Variants in EYA4 observed in about 807,000 individuals in gnomAD.
EYA4 encodes EYA transcriptional coactivator and phosphatase 4, also known as protein phosphatase EYA4.
EYA4 carries 31 observed loss-of-function variants against 87.9 expected under a neutral mutation model. That is an observed-to-expected ratio of 0.35 (90% CI 0.27 to 0.48). The LOEUF is 0.48. EYA4 is among the 20% of genes least tolerant of loss of function. The pLI, the probability that EYA4 is intolerant of heterozygous loss-of-function variation, is 0.99. For missense variants in EYA4, 678 were observed against 761.4 expected, an observed-to-expected ratio of 0.89 and a Z score of 1.29; for synonymous variants, 263 against 270.6, an observed-to-expected ratio of 0.97 and a Z score of 0.28.
intron 2 of EYA4, among the ~76,000 whole-genome samples, chr6:133,345,866 T>C (rs980879295): frequency 6.6e-6 from 1 of 152,370 alleles, no homozygotes; most frequent in East Asian, 1.9e-4. Flanking sequence ...CACACTGCTA[T>C]GCAGTGCTTA....
chr6:133,381,854 A>G (rs765764229), intron 2 of EYA4, among the ~76,000 whole-genome samples: 2 of 152,204 alleles, frequency 1.3e-5, no homozygotes, highest in Non-Finnish European at 2.9e-5. Flanking sequence ...AAGTTGAAAT[A>G]TAGTCTGCAA....
intron 2 of EYA4, among the ~76,000 whole-genome samples, chr6:133,305,986 A>G (rs1779771428): frequency 2.0e-5 from 1 of 50,530 alleles, no homozygotes; most frequent in African/African-American, 8.8e-5. Flanking sequence ...AATAGATGTC[A>G]TTGTGTGTGT....
intron 16 of EYA4, among the ~76,000 whole-genome samples, 159 bp from the exon 17 acceptor site, chr6:133,515,162 C>A (rs960607711): frequency 1.3e-5 from 2 of 152,216 alleles, no homozygotes; most frequent in Admixed American, 1.3e-4. Flanking sequence ...ATATTCAATT[C>A]AGAAACGAAG....
At chr6:133,421,951 CTT>C (rs1018011791) in intron 3 of EYA4, among the ~76,000 whole-genome samples, 2 of 151,992 alleles carry the variant, frequency 1.3e-5, no homozygotes, top group African/African-American at 4.8e-5. Context: ...CTACAAAACT[CTT>C]TTTTGTTTTT....
intron 3 of EYA4, among the ~76,000 whole-genome samples, chr6:133,439,633 G>T (rs1329461273): frequency 6.6e-6 from 1 of 152,218 alleles, no homozygotes; most frequent in Non-Finnish European, 1.5e-5. Flanking sequence ...GACAGTACAT[G>T]CAGAGCGTTG....
chr6:133,410,105 TTAGA>T (rs1457556803), intron 3 of EYA4, among the ~76,000 whole-genome samples: 1 of 152,064 alleles, frequency 6.6e-6, no homozygotes, highest in African/African-American at 2.4e-5. Flanking sequence ...CAAAACCAGT[TTAGA>T]TAGAGATAAT....
At position 133,450,726 on chromosome 6, in the gene EYA4, G is replaced by C. The variant is rs181462270; in HGVS notation, c.277+2547G>C. 7.0e-3 allele frequency among the ~76,000 whole-genome samples: 1,065 copies of C among 152,268 alleles called. 9 individuals are homozygous for C. The highest frequency in any genetic ancestry group is 0.023 in the African/African-American group (976 of 41,556). On this transcript the variant is annotated intron_variant, in intron 5 of 19. Transcript: ENST00000355286. Reference sequence around the variant, plus strand: ...GGGTTTCACCACGTTGGCCAGGCTGGTCCTGAACTCCTCACCTCAGGTGAT... The same window carrying C: ...GGGTTTCACCACGTTGGCCAGGCTGCTCCTGAACTCCTCACCTCAGGTGAT...
chr6:133,378,752 T>A (rs907027401), intron 2 of EYA4, among the ~76,000 whole-genome samples: 2 of 152,146 alleles, frequency 1.3e-5, no homozygotes, highest in African/African-American at 2.4e-5. Flanking sequence ...ATTTATGTTT[T>A]CATTGAATAC....
At chr6:133,245,742 C>A (rs1049670049) in intron 1 of EYA4, among the ~76,000 whole-genome samples, 3 of 152,128 alleles carry the variant, frequency 2.0e-5, no homozygotes, top group Non-Finnish European at 4.4e-5. Context: ...CCAAACTTGG[C>A]GTCATTTAGC....
At chr6:133,370,313 G>A (rs1023183594) in intron 2 of EYA4, among the ~76,000 whole-genome samples, 5 of 152,170 alleles carry the variant, frequency 3.3e-5, no homozygotes, top group Admixed American at 6.6e-5. Flanking sequence ...TGGTTGAAGC[G>A]TTATCATTAT....
At chr6:133,490,394 A>AAAG (rs1797044981) in intron 13 of EYA4, among the ~76,000 whole-genome samples, 1 of 114,422 alleles carries the variant, frequency 8.7e-6, no homozygotes, top group South Asian at 2.6e-4. Context: ...AAAAAAAAAC[A>AAAG]AAAAAAAACA....
At chr6:133,287,824 A>G (rs372437) in intron 2 of EYA4, among the ~76,000 whole-genome samples, 151,934 of 152,320 alleles carry the variant, frequency 1, 75,775 homozygotes, top group East Asian at 1. Context: ...AGGAGTTTGC[A>G]CATGAACTCC....
chr6:133,262,588 T>A (rs1233191152), intron 1 of EYA4, among the ~76,000 whole-genome samples: 3 of 152,206 alleles, frequency 2.0e-5, no homozygotes, highest in Non-Finnish European at 4.4e-5. Flanking sequence ...AACACCTTGT[T>A]TGGACCTGCT....
chr6:133,354,559 C>A (rs371134692), intron 2 of EYA4, among the ~76,000 whole-genome samples: 52 of 152,286 alleles, frequency 3.4e-4, no homozygotes, highest in African/African-American at 1.1e-3. Flanking sequence ...GAATTTCACA[C>A]AACTGGTATG....
chr6:133,342,574 CATATATATATATATATATAT>C (rs56987430), intron 2 of EYA4, among the ~76,000 whole-genome samples: 5 of 100,496 alleles, frequency 5.0e-5, no homozygotes, highest in South Asian at 2.9e-4. Flanking sequence ...TACACACTGC[CATATATATATATATATATAT>C]ATATATATAT....
intron 2 of EYA4, among the ~76,000 whole-genome samples, chr6:133,376,623 CT>C (rs1240016011): frequency 1.3e-5 from 2 of 151,850 alleles, no homozygotes; most frequent in Non-Finnish European, 2.9e-5. Flanking sequence ...TATTTGCAAA[CT>C]TTTTTTATGA....
chr6:133,281,616 T>A (rs1777630972), intron 2 of EYA4, among the ~76,000 whole-genome samples: 1 of 137,072 alleles, frequency 7.3e-6, no homozygotes, highest in Admixed American at 7.7e-5. Flanking sequence ...GATTTTTTTT[T>A]AAACTTCAAC....
At chr6:133,431,957 T>C (rs1791221307) in intron 3 of EYA4, among the ~76,000 whole-genome samples, 1 of 152,040 alleles carries the variant, frequency 6.6e-6, no homozygotes, top group African/African-American at 2.4e-5. Context: ...TGATTTTTTT[T>C]TTTTTTTGCC....
intron 2 of EYA4, among the ~76,000 whole-genome samples, chr6:133,355,677 A>G (rs968725936): frequency 1.3e-5 from 2 of 152,168 alleles, no homozygotes; most frequent in South Asian, 2.1e-4. Flanking sequence ...TAAGATCTCT[A>G]AAGAGATTTG....
Sources: allele counts gnomAD v4.1 joint callset (sites outside exome capture counted in the v4.1 genomes callset), GRCh38; gene constraint gnomAD v4.1.1; transcripts MANE v1.5; gene names NCBI Gene and HGNC (gene_info 2026-07-23, HGNC 2026-07-21).